PRH1: variants seen among roughly 807,000 people sequenced by gnomAD.
PRH1 encodes salivary acidic proline-rich phosphoprotein 1/2.
In PRH1, 7 loss-of-function variants were observed where a neutral mutation model predicts 7.9. The observed-to-expected ratio is 0.89, with a 90% CI of 0.50 to 1.67. The LOEUF (loss-of-function observed/expected upper bound fraction) is 1.67. Ranked by LOEUF, PRH1 falls within the 40% of genes most tolerant of loss-of-function variation. PRH1 has a pLI of 0.00. For missense variants in PRH1, 109 were observed against 223.6 expected, an observed-to-expected ratio of 0.49 and a Z score of 3.27; for synonymous variants, 45 against 80.8, an observed-to-expected ratio of 0.56 and a Z score of 2.38.
chr12:11,126,967 T>C (rs933970387), intron 1 of PRH1, among the ~76,000 whole-genome samples: 2 of 152,242 alleles, frequency 1.3e-5, no homozygotes, highest in Non-Finnish European at 1.5e-5. Context: ...TCCGCATTTT[T>C]TAAGGCAGGC....
At chr12:11,051,613 A>C (rs181641680), upstream of PRH1, among the ~76,000 whole-genome samples, 189 of 152,288 alleles carry the variant, frequency 1.2e-3, no homozygotes, top group Non-Finnish European at 2.1e-3. Context: ...ACCTCCTGTA[A>C]TACGCAACGT....
At chr12:11,033,649 A>G (rs1345929209) in intron 1 of PRH1, among the ~76,000 whole-genome samples, 2 of 152,202 alleles carry the variant, frequency 1.3e-5, no homozygotes, top group Non-Finnish European at 2.9e-5. Context: ...GGGGTGGCAG[A>G]TAACATCATC....
intron 1 of PRH1, chr12:11,022,710 C>A: frequency 1.6e-6 from 1 of 644,340 alleles, no homozygotes; most frequent in Non-Finnish European, 2.7e-6. Flanking sequence ...CTAGTGTCAA[C>A]AGGCAAGCAC....
intron 2 of PRH1, chr12:10,938,292 C>T (rs1950323722): frequency 6.2e-7 from 1 of 1,610,766 alleles, no homozygotes; most frequent in South Asian, 1.1e-5. Flanking sequence ...CCTGAGGGCT[C>T]CCCATCTTTG....
intron 1 of PRH1, among the ~76,000 whole-genome samples, chr12:11,025,517 A>C (rs1486150158): frequency 6.6e-6 from 1 of 152,276 alleles, no homozygotes; most frequent in East Asian, 1.9e-4. Context: ...GTATTATTTT[A>C]TGTTAATTTG....
At chr12:10,921,772 T>A (rs1172876565) in intron 2 of PRH1, among the ~76,000 whole-genome samples, 1 of 152,228 alleles carries the variant, frequency 6.6e-6, no homozygotes, top group Non-Finnish European at 1.5e-5. Context: ...GATTTTTGTT[T>A]GTTTAGTTTT....
intron 1 of PRH1, among the ~76,000 whole-genome samples, chr12:11,014,828 A>C (rs1405253110): frequency 1.3e-5 from 2 of 152,154 alleles, no homozygotes; most frequent in Non-Finnish European, 2.9e-5. Context: ...TTTTAGGTAT[A>C]GGGCTCTTAC....
intron 1 of PRH1, among the ~76,000 whole-genome samples, chr12:11,155,094 A>G (rs7302010): frequency 0.46 from 69,195 of 152,046 alleles, 16,549 homozygotes; most frequent in Non-Finnish European, 0.53. Context: ...AAACATTTTC[A>G]TTCCTATCAA....
At chr12:10,900,024 A>G (rs1297839208) in intron 2 of PRH1, among the ~76,000 whole-genome samples, 1 of 152,218 alleles carries the variant, frequency 6.6e-6, no homozygotes, top group Non-Finnish European at 1.5e-5. Flanking sequence ...ATTTTTCAAC[A>G]AAGTCTCATA....
intron 2 of PRH1, chr12:10,964,423 GA>G: frequency 4.3e-6 from 1 of 233,340 alleles, no homozygotes. Context: ...TGTGAATCTA[GA>G]AATTTGAGAG....
intron 2 of PRH1, among the ~76,000 whole-genome samples, chr12:10,967,114 CAAAAAAAA>C (rs35838979): frequency 1.0e-5 from 1 of 99,344 alleles, no homozygotes; most frequent in African/African-American, 3.9e-5. Context: ...GACTCCGTCT[CAAAAAAAA>C]AAAAAAAAAA....
intron 1 of PRH1, chr12:11,133,374 G>T: frequency 6.2e-7 from 1 of 1,613,876 alleles, no homozygotes; most frequent in Non-Finnish European, 8.5e-7. Flanking sequence ...AAAACTGAAA[G>T]AAAAATCTGC....
chr12:10,964,853 T>C, intron 2 of PRH1: 1 of 549,592 alleles, frequency 1.8e-6, no homozygotes, highest in Non-Finnish European at 3.4e-6. Context: ...ATCACTCAAT[T>C]TGATCTCCCA....
chr12:10,961,168 A>G (rs1348126673), intron 2 of PRH1, among the ~76,000 whole-genome samples: 2 of 152,200 alleles, frequency 1.3e-5, no homozygotes, highest in African/African-American at 4.8e-5. Context: ...TCTCTGACAA[A>G]TCCACAGGAG....
chr12:11,076,200 T>TAAC (rs1244052576), intron 1 of PRH1, among the ~76,000 whole-genome samples: 1 of 140,306 alleles, frequency 7.1e-6, no homozygotes, highest in African/African-American at 2.6e-5. Context: ...AGCAAGGCTG[T>TAAC]ACATTTCCTT....
chr12:10,978,739 T>G (rs1939218557), intron 1 of PRH1, among the ~76,000 whole-genome samples: 1 of 151,792 alleles, frequency 6.6e-6, no homozygotes, highest in Non-Finnish European at 1.5e-5. Context: ...AACAAACACC[T>G]CCATTTAAAA....
At position 11,152,427 on chromosome 12, in the gene PRH1, T is replaced by C. The variant is rs112882515; in HGVS notation, n.39+18995A>G. On this transcript the variant is annotated intron_variant and non_coding_transcript_variant, in intron 1 of 1. Transcript: ENST00000541175. The stretch of plus-strand genomic sequence containing the variant: ...TTGATAATCTATACTTTTTAGAAAA[T>C]TGCACATTAGAATTTTTTATTTTTA... Among the ~76,000 whole-genome samples the C allele has an allele frequency of 3.7e-4, 57 of 152,230 alleles. No individual in the cohort carries two copies. The East Asian group carries it at 4.8e-3, about 13-fold the overall frequency.
intron 1 of PRH1, among the ~76,000 whole-genome samples, chr12:11,011,071 T>C (rs545299777): frequency 1.3e-5 from 2 of 152,108 alleles, no homozygotes; most frequent in South Asian, 4.1e-4. Flanking sequence ...AGGAAAAAAA[T>C]GTTAAAATGT....
chr12:11,168,296 G>GGA (rs1947678441), intron 1 of PRH1, among the ~76,000 whole-genome samples: 10 of 39,636 alleles, frequency 2.5e-4, no homozygotes, highest in South Asian at 6.2e-4. Flanking sequence ...AAGAAAGAAA[G>GGA]AAAGAAGGAA....
Sources: allele counts gnomAD v4.1 joint callset (sites outside exome capture counted in the v4.1 genomes callset), GRCh38; gene constraint gnomAD v4.1.1; transcripts MANE v1.5; gene names NCBI Gene and HGNC (gene_info 2026-07-23, HGNC 2026-07-21).